Variants in CCNC observed in about 807,000 individuals in gnomAD.
The protein encoded by CCNC is cyclin-C.
In CCNC, 19 loss-of-function variants were observed where a neutral mutation model predicts 50.0. That is an observed-to-expected ratio of 0.38 (90% CI 0.27 to 0.56). The LOEUF (loss-of-function observed/expected upper bound fraction) is 0.56. Among genes scored for constraint, CCNC ranks in the 20% least tolerant of loss-of-function variants. The probability of loss-of-function intolerance (pLI) is 0.72; values close to 1 mark genes in which losing one functional copy is unlikely to be tolerated. For missense variants in CCNC, 200 were observed against 327.1 expected (o/e 0.61, Z 3.00); for synonymous variants, 93 against 103.7 (o/e 0.90, Z 0.63).
intron 7 of CCNC, chr6:99,550,587 AAC>A (rs1802251950): frequency 5.6e-6 from 2 of 355,222 alleles, no homozygotes; most frequent in Admixed American, 8.8e-5. Flanking sequence ...TCACATCTGC[AAC>A]ACACTGAAAC....
intron 7 of CCNC, chr6:99,550,760 GTTAC>G (rs897236052): frequency 6.6e-5 from 17 of 258,880 alleles, no homozygotes; most frequent in African/African-American, 3.6e-4. Flanking sequence ...TTTCATTATA[GTTAC>G]TTACTATAGA....
At chr6:99,553,370 C>T (rs1247431007) in intron 5 of CCNC, among the ~76,000 whole-genome samples, 1 of 152,118 alleles carries the variant, frequency 6.6e-6, no homozygotes, top group Non-Finnish European at 1.5e-5. Flanking sequence ...ATCCCCATCC[C>T]CTGGACCTTG....
intron 8 of CCNC, 72 bp from the exon 9 acceptor site, chr6:99,549,647 G>T: frequency 2.1e-6 from 2 of 955,582 alleles, no homozygotes; most frequent in East Asian, 2.5e-5. Flanking sequence ...CCTCCAGAGA[G>T]GGCCAGATTT....
At chr6:99,559,654 A>T (rs904125414) in intron 4 of CCNC, among the ~76,000 whole-genome samples, 5 of 32,984 alleles carry the variant, frequency 1.5e-4, no homozygotes, top group East Asian at 0.014. Flanking sequence ...CACAGAGATA[A>T]AAAAAAAATA....
intron 11 of CCNC, 37 bp from the exon 12 acceptor site, chr6:99,543,646 T>C: frequency 6.2e-7 from 1 of 1,610,524 alleles, no homozygotes. Flanking sequence ...TTATACCAAT[T>C]AAAAGATCCA....
chr6:99,550,668 C>G (rs1379061314), intron 7 of CCNC: 1 of 264,190 alleles, frequency 3.8e-6, no homozygotes, highest in Non-Finnish European at 7.1e-6. Context: ...CATAATCTAT[C>G]TTTAAATAAC....
intron 5 of CCNC, among the ~76,000 whole-genome samples, chr6:99,553,234 C>T (rs1030866591): frequency 2.0e-5 from 3 of 152,012 alleles, no homozygotes; most frequent in African/African-American, 4.8e-5. Context: ...AAATTTAAGA[C>T]GTACCTATTA....
chr6:99,560,611 AT>A (rs1284062884), intron 4 of CCNC, among the ~76,000 whole-genome samples: 79 of 152,254 alleles, frequency 5.2e-4, no homozygotes, highest in Non-Finnish European at 9.7e-4. Flanking sequence ...AGACTACATT[AT>A]TTATGAAAAA....
chr6:99,558,435 T>C, intron 5 of CCNC, 62 bp downstream of exon 5: 1 of 1,576,230 alleles, frequency 6.3e-7, no homozygotes, highest in Non-Finnish European at 8.6e-7. Context: ...AAAAAAAATC[T>C]ATGTACTCTG....
intron 1 of CCNC, among the ~76,000 whole-genome samples, chr6:99,567,408 T>TAC (rs774258709): frequency 0.022 from 2,590 of 117,268 alleles, 70 homozygotes; most frequent in African/African-American, 0.081. Context: ...TATATATACA[T>TAC]ACACACACAC....
Position 99,561,673 on chromosome 6 carries a change from C to T in CCNC, c.148G>A (p.Ala50Thr), listed in dbSNP as rs1802787380. The T allele has an allele frequency of 6.3e-7, 1 of 1,597,520 alleles. No homozygotes were observed. Among genetic ancestry groups the T allele is most frequent in the African/African-American group, 1.3e-5 (1 of 74,660 alleles). The part of the protein sequence containing the change: ...LQIFFTNVIQ[A>T]LGEHLKLRQQ... ...CTTAATTTAAGATGTTCACCTAATG[C>T]TTGGATAACTAAAAGGCAAATAATG... The change falls in exon 3 of 12, where the codon GCA becomes ACA. Residue 50 changes from alanine (A) to threonine (T), a missense_variant. Physicochemically the swap from Ala to Thr is moderately conservative, Grantham distance 58. Transcript: ENST00000520429.
intron 5 of CCNC, among the ~76,000 whole-genome samples, 160 bp from the exon 6 acceptor site, chr6:99,552,055 A>G (rs1802322530): frequency 1.3e-5 from 2 of 152,078 alleles, no homozygotes; most frequent in Non-Finnish European, 2.9e-5. Context: ...CTTTCAGGGA[A>G]GGGGAAAGAC....
intron 8 of CCNC, 147 bp from the exon 9 acceptor site, chr6:99,549,722 C>T: frequency 1.9e-6 from 1 of 534,832 alleles, no homozygotes. Flanking sequence ...GTGAAAACAT[C>T]AAGGCAAAAG....
intron 1 of CCNC, 152 bp from the exon 2 acceptor site, chr6:99,563,100 AATT>A (rs1768924239): frequency 1.7e-6 from 1 of 604,212 alleles, no homozygotes; most frequent in African/African-American, 1.9e-5. Flanking sequence ...GACTAATAAG[AATT>A]ATCTCACTAA....
chr6:99,561,276 A>G (rs1305591578), intron 4 of CCNC, 91 bp downstream of exon 4: 2 of 820,316 alleles, frequency 2.4e-6, no homozygotes, highest in Non-Finnish European at 4.2e-6. Flanking sequence ...ATTACCATTT[A>G]TTAATTTTAC....
chr6:99,560,907 G>T (rs549818532), intron 4 of CCNC, among the ~76,000 whole-genome samples: 144 of 152,328 alleles, frequency 9.5e-4, no homozygotes, highest in Non-Finnish European at 1.6e-3. Flanking sequence ...AGAAGCATAA[G>T]GGACATTCTC....
At chr6:99,558,214 T>C in intron 5 of CCNC, 2 of 405,706 alleles carry the variant, frequency 4.9e-6, no homozygotes, top group South Asian at 9.5e-5. Flanking sequence ...GGAAACAGAA[T>C]TTTTTCTTTA....
intron 8 of CCNC, among the ~76,000 whole-genome samples, chr6:99,549,917 A>G (rs2114279427): frequency 6.6e-6 from 1 of 152,056 alleles, no homozygotes; most frequent in Admixed American, 6.5e-5. Flanking sequence ...GTTGCAGACT[A>G]CCAAAAAGTA....
At chr6:99,549,260 C>T (rs1015234925) in intron 9 of CCNC, 1 of 554,862 alleles carries the variant, frequency 1.8e-6, no homozygotes, top group Non-Finnish European at 3.1e-6. Flanking sequence ...TCTATTCAGA[C>T]ACCGATTAAA....
Sources: gnomAD v4.1 joint callset for allele counts (sites outside exome capture counted in the v4.1 genomes callset) on GRCh38, gnomAD v4.1.1 for gene constraint, MANE v1.5 for transcripts, NCBI Gene and HGNC (gene_info 2026-07-23, HGNC 2026-07-21) for gene names.